NREP: variants seen among roughly 807,000 people sequenced by gnomAD.
NREP encodes the protein neuronal regeneration-related protein.
In NREP, 5 loss-of-function variants were observed where a neutral mutation model predicts 8.6. That is an observed-to-expected ratio of 0.58 (90% CI 0.30 to 1.22). The LOEUF is 1.22. NREP is among the 50% of genes most tolerant of loss of function. The probability of loss-of-function intolerance (pLI) is 0.07; values close to 1 mark genes in which losing one functional copy is unlikely to be tolerated. For synonymous variants in NREP, 27 were observed against 28.0 expected (o/e 0.96, Z 0.11); for missense variants, 86 against 82.5 (o/e 1.04, Z -0.17).
chr5:111,868,746 T>A (rs1425821637), intron 2 of NREP, among the ~76,000 whole-genome samples: 2 of 152,300 alleles, frequency 1.3e-5, no homozygotes, highest in Non-Finnish European at 2.9e-5. Flanking sequence ...CCTCTGCAGA[T>A]AGGTTGCAGA....
chr5:111,773,902 C>T (rs1290378338), intron 2 of NREP, among the ~76,000 whole-genome samples: 2 of 152,118 alleles, frequency 1.3e-5, no homozygotes, highest in Admixed American at 1.3e-4. Flanking sequence ...AAGAGTGTAG[C>T]TTATACCAAA....
intron 2 of NREP, among the ~76,000 whole-genome samples, chr5:111,846,751 G>A (rs888229388): frequency 1.3e-5 from 2 of 152,060 alleles, no homozygotes; most frequent in African/African-American, 4.8e-5. Flanking sequence ...AGTTCCATGA[G>A]ATAATACCAA....
rs561971898 is a variant in NREP, at chr5:111,928,786, AC to A, written c.135+46487del. 6.0e-4 allele frequency among the ~76,000 whole-genome samples: 92 copies of A among 152,242 alleles called. 1 individual carries two copies. The highest frequency in any genetic ancestry group is 2.2e-3 in the African/African-American group (90 of 41,546). On this transcript the variant is annotated intron_variant, in intron 2 of 3. Transcript: ENST00000395634. ...GGAAGAGAGAGCCCATAGACCACAGACACATTTGTATGTTGCCAATTTAGGA... is the reference window on the plus strand; with the variant it reads ...GGAAGAGAGAGCCCATAGACCACAGAACATTTGTATGTTGCCAATTTAGGA...
chr5:111,823,034 G>T (rs542156326), intron 2 of NREP, among the ~76,000 whole-genome samples: 1 of 152,354 alleles, frequency 6.6e-6, no homozygotes, highest in East Asian at 1.9e-4. Flanking sequence ...AAAAGTTTGA[G>T]ATTGGGCATC....
intron 2 of NREP, among the ~76,000 whole-genome samples, chr5:111,785,192 T>C (rs763180022): frequency 6.6e-6 from 1 of 152,226 alleles, no homozygotes; most frequent in Non-Finnish European, 1.5e-5. Context: ...CCACAAAATA[T>C]CCATCATGCT....
At chr5:111,762,406 T>C (rs1750979809), upstream of NREP, among the ~76,000 whole-genome samples, 2 of 152,136 alleles carry the variant, frequency 1.3e-5, 1 homozygote, top group South Asian at 4.1e-4. Flanking sequence ...CAGCTCCCTT[T>C]TCCTCATGCT....
intron 2 of NREP, among the ~76,000 whole-genome samples, chr5:111,749,334 G>C (rs1246905769): frequency 6.6e-6 from 1 of 152,048 alleles, no homozygotes; most frequent in Non-Finnish European, 1.5e-5. Flanking sequence ...CTCATCTAAA[G>C]GGGTTAAAAG....
At chr5:111,952,366 T>C (rs1186830731) in intron 2 of NREP, among the ~76,000 whole-genome samples, 3 of 152,164 alleles carry the variant, frequency 2.0e-5, no homozygotes, top group African/African-American at 7.2e-5. Flanking sequence ...TCAAGGTACA[T>C]CTGGGATTAT....
chr5:111,925,797 T>A (rs146561143), intron 2 of NREP, among the ~76,000 whole-genome samples: 57 of 152,282 alleles, frequency 3.7e-4, no homozygotes, highest in African/African-American at 1.3e-3. Flanking sequence ...CATTAAAAAG[T>A]GTTTACTCTT....
chr5:111,936,444 T>G (rs988080886), intron 2 of NREP, among the ~76,000 whole-genome samples: 1 of 152,114 alleles, frequency 6.6e-6, no homozygotes, highest in Admixed American at 6.6e-5. Flanking sequence ...TGTGGAATTA[T>G]GAGTCAATTA....
At chr5:111,791,058 T>C (rs1751734588) in intron 2 of NREP, among the ~76,000 whole-genome samples, 1 of 152,162 alleles carries the variant, frequency 6.6e-6, no homozygotes, top group Non-Finnish European at 1.5e-5. Flanking sequence ...TAATAGAAGA[T>C]TAAACTGTTT....
At chr5:111,930,867 G>A (rs1755517802) in intron 2 of NREP, among the ~76,000 whole-genome samples, 1 of 152,070 alleles carries the variant, frequency 6.6e-6, no homozygotes, top group African/African-American at 2.4e-5. Flanking sequence ...AAGTCTTCCA[G>A]GAAAGGTTTC....
At chr5:111,890,239 C>A (rs772418057) in intron 2 of NREP, among the ~76,000 whole-genome samples, 3 of 146,310 alleles carry the variant, frequency 2.1e-5, no homozygotes, top group Non-Finnish European at 4.7e-5. Flanking sequence ...TAATTTCCTT[C>A]ATTCTATATC....
chr5:111,783,842 A>G (rs1225992681), intron 2 of NREP, among the ~76,000 whole-genome samples: 1 of 152,182 alleles, frequency 6.6e-6, no homozygotes, highest in African/African-American at 2.4e-5. Context: ...GCGTGTTTAA[A>G]TGAATGAATA....
chr5:111,809,879 GT>G (rs1752232220), intron 2 of NREP, among the ~76,000 whole-genome samples: 1 of 137,990 alleles, frequency 7.2e-6, no homozygotes, highest in Non-Finnish European at 1.5e-5. Context: ...GCGTGTGTGT[GT>G]GTGTGTGTGT....
chr5:111,942,787 G>C (rs1755865463), intron 2 of NREP, among the ~76,000 whole-genome samples: 1 of 152,042 alleles, frequency 6.6e-6, no homozygotes, highest in Admixed American at 6.6e-5. Context: ...GGACTCAAAA[G>C]TCAGAATGCC....
chr5:111,747,747 TCTC>T (rs1418093340), intron 2 of NREP, among the ~76,000 whole-genome samples: 5 of 152,058 alleles, frequency 3.3e-5, no homozygotes, highest in Non-Finnish European at 7.4e-5. Context: ...ATTTACTCCT[TCTC>T]CTTCTTGAAT....
Position 111,789,364 on chromosome 5 carries a change from C to T in NREP, c.136-53857G>A, listed in dbSNP as rs73223668. Among the ~76,000 whole-genome samples the T allele has an allele frequency of 4.3e-3, 661 of 152,264 alleles. 6 individuals are homozygous for T. The highest frequency in any genetic ancestry group is 0.015 in the African/African-American group (631 of 41,556). On this transcript the variant is annotated intron_variant, in intron 2 of 3. Coordinates refer to the NREP transcript ENST00000395634. ...CATTTAATGATGCATGCGGAAGTTT[C>T]CACTTAAACATATTTTTAATGTGTA...
intron 2 of NREP, among the ~76,000 whole-genome samples, chr5:111,764,716 G>A (rs1264502014): frequency 2.0e-5 from 3 of 152,040 alleles, no homozygotes; most frequent in Non-Finnish European, 2.9e-5. Flanking sequence ...ATAATAAGGA[G>A]GTTTTTCTTT....
Sources: gnomAD v4.1 joint callset for allele counts (sites outside exome capture counted in the v4.1 genomes callset) on GRCh38, gnomAD v4.1.1 for gene constraint, MANE v1.5 for transcripts, NCBI Gene and HGNC (gene_info 2026-07-23, HGNC 2026-07-21) for gene names.